The following FCRLB variants were observed in gnomAD, a reference collection of about 807,000 sequenced individuals.
FCRLB encodes Fc receptor-like B.
FCRLB carries 34 observed loss-of-function variants against 33.6 expected under a neutral mutation model. The ratio of observed to expected loss-of-function variants is 1.01; its 90% CI spans 0.77 to 1.35. FCRLB has a LOEUF of 1.35. FCRLB is among the 40% of genes most tolerant of loss of function. The pLI, the probability that FCRLB is intolerant of heterozygous loss-of-function variation, is 0.00. For synonymous variants in FCRLB, 280 were observed against 255.9 expected (o/e 1.09, Z -0.90); for missense variants, 560 against 580.2 (o/e 0.97, Z 0.36).
At chr1:161,727,107 C>T (rs1683610857) in intron 7 of FCRLB, 114 bp downstream of exon 7, 1 of 929,074 alleles carries the variant, frequency 1.1e-6, no homozygotes, top group Non-Finnish European at 1.4e-6. Flanking sequence ...CCCCGCCTTT[C>T]CCATCTCCCC....
exon 5 of FCRLB, chr1:161,723,375 G>A (rs546625220): frequency 1.2e-6 from 2 of 1,614,034 alleles, no homozygotes; most frequent in East Asian, 2.2e-5. Flanking sequence ...AGCTACTCTG[G>A]AGAAGCCCAT....
At chr1:161,727,469 C>T in exon 8 of FCRLB, 1 of 1,614,104 alleles carries the variant, frequency 6.2e-7, no homozygotes, top group Non-Finnish European at 8.5e-7. Flanking sequence ...TTGGAACAAT[C>T]GGCTGGAGCC....
Position 161,725,912 on chromosome 1 carries a change from CA to C in FCRLB, c.401del (p.Lys134SerfsTer55), listed in dbSNP as rs1683537242. On this transcript the variant is annotated frameshift_variant, in exon 6 of 8. Transcript: ENST00000367948. LOFTEE classifies it high-confidence loss of function. ...GCGGCTGGTACGACAAGGTGGTCTA[CA>C]AGCTTCACTACTACCACGACGGCCA... is the stretch of plus-strand genomic sequence containing the variant. 4 of 1,614,240 alleles carry C rather than the reference CA, an allele frequency of 2.5e-6. No individual in the cohort carries two copies. The highest frequency in any genetic ancestry group is 3.4e-6 in the Non-Finnish European group (4 of 1,180,038).
Position 161,726,914 on chromosome 1 carries a change from C to G in FCRLB, c.786C>G (p.Leu262=). 6.3e-7 allele frequency: 1 copy of G among 1,588,538 alleles called. No homozygotes were observed. Among genetic ancestry groups the G allele is most frequent in the Non-Finnish European group, 8.6e-7 (1 of 1,167,474 alleles). The change falls in exon 7 of 8, where the codon CTC becomes CTG. Residue 262 remains leucine (L), a synonymous_variant. Coordinates refer to ENST00000367948, the Ensembl canonical transcript of FCRLB. This position sits in a 1 kb window ranked among gnomAD's most constrained non-coding sequence, Gnocchi z 5.2. ...TCCCGGAGCCCGAGGTCGAGGAGCT[C>G]GAATCGTACTGGTGCGAGGCGGCTA... is the stretch of plus-strand genomic sequence containing the variant.
rs755575893 is a variant in FCRLB at position 161,726,923 on chromosome 1, C to A, written c.795C>A (p.Tyr265Ter). Residue 265 changes from tyrosine (Y) to a stop codon, truncating the protein, a stop_gained, in exon 7 of 8, where the codon TAC (tyrosine) becomes TAA (stop). Coordinates refer to ENST00000367948, the Ensembl canonical transcript of FCRLB. LOFTEE classifies it high-confidence loss of function. The surrounding 1 kb of genome is among the most constrained non-coding windows in gnomAD (Gnocchi z 5.2). ...CCGAGGTCGAGGAGCTCGAATCGTA[C>A]TGGTGCGAGGCGGCTACCGCCACCC... is the stretch of plus-strand genomic sequence containing the variant. 6 of 1,574,970 alleles carry A rather than the reference C, an allele frequency of 3.8e-6. No homozygotes were observed. The African/African-American group carries it at 5.4e-5, about 14-fold the overall frequency.
At position 161,725,675 on chromosome 1, in the gene FCRLB, AAAAAG is replaced by A. The variant is rs1006283516; in HGVS notation, c.308-132_308-128del. 7.5e-5 allele frequency: 80 copies of A among 1,070,176 alleles called. No homozygotes were observed. In the African/African-American group the frequency reaches 8.8e-4, roughly 12 times the overall value. The allele number at this position is 1,070,176 out of a possible 1,614,324, so 66.3% of individuals were successfully genotyped here. ...GAAAAAGAACAAGAAAAAAAGAAAG[AAAAAG>A]AAAAGAAAAGAAAGCGGTGGGAGAT... On this transcript the variant is annotated intron_variant, in intron 5 of 7. Coordinates refer to ENST00000367948, the Ensembl canonical transcript of FCRLB.
At chr1:161,727,210 T>G (rs201080575) in intron 7 of FCRLB, 37 bp from the exon 8 acceptor site, 5 of 1,394,428 alleles carry the variant, frequency 3.6e-6, no homozygotes, top group Admixed American at 4.2e-5. Context: ...AGAAGAACCA[T>G]GCAAGCCGCG....
At chr1:161,724,589 G>C (rs1186728893) in intron 5 of FCRLB, among the ~76,000 whole-genome samples, 1 of 152,148 alleles carries the variant, frequency 6.6e-6, no homozygotes, top group African/African-American at 2.4e-5. Flanking sequence ...AGAATTTAAA[G>C]CACATCACTC....
rs1423947780 is a variant in FCRLB at position 161,726,908 on chromosome 1, G to T, written c.780G>T (p.Glu260Asp). 1.3e-6 allele frequency: 2 copies of T among 1,590,282 alleles called. No individual in the cohort carries two copies. The highest frequency in any genetic ancestry group is 1.7e-6 in the Non-Finnish European group (2 of 1,168,170). Residue 260 changes from glutamate to aspartate, a missense_variant, in exon 7 of 8, where the codon GAG (glutamate) becomes GAT (aspartate). Glu to Asp is a conservative substitution (Grantham distance 45). Coordinates refer to ENST00000367948, the Ensembl canonical transcript of FCRLB. The surrounding 1 kb of genome is among the most constrained non-coding windows in gnomAD (Gnocchi z 5.2). ...ACACAGTCCCGGAGCCCGAGGTCGAGGAGCTCGAATCGTACTGGTGCGAGG... is the reference window on the plus strand; with the variant it reads ...ACACAGTCCCGGAGCCCGAGGTCGATGAGCTCGAATCGTACTGGTGCGAGG...
At position 161,726,444 on chromosome 1, in the gene FCRLB, G is replaced by A. The variant is rs1327198363; in HGVS notation, c.575-259G>A. On this transcript the variant is annotated intron_variant, in intron 6 of 7. Coordinates refer to ENST00000367948, the Ensembl canonical transcript of FCRLB. The surrounding 1 kb of genome is among the most constrained non-coding windows in gnomAD (Gnocchi z 5.2). The stretch of plus-strand genomic sequence containing the variant: ...TCTCCTATTCTAGGCTGCAGAACCC[G>A]AGCTGAGTGTCAGTCGGGATGTGAC... 1 of 724,928 alleles carries A rather than the reference G, an allele frequency of 1.4e-6. No individual in the cohort carries two copies. The allele number at this position is 724,928 out of a possible 1,614,324, so 44.9% of individuals were successfully genotyped here.
rs1683623147 is a variant in FCRLB at position 161,727,338 on chromosome 1, C to T, written c.957C>T (p.Pro319=). 1.9e-6 allele frequency: 3 copies of T among 1,613,736 alleles called. No individual in the cohort carries two copies. In the East Asian group the frequency reaches 6.7e-5, roughly 36 times the overall value. The change falls in exon 8 of 8, where the codon CCC becomes CCT. Residue 319 remains proline (P), a synonymous_variant. Transcript: ENST00000367948. The stretch of plus-strand genomic sequence containing the variant: ...ATAGGCCGCTTTCCTTCAGAAAGCC[C>T]CCGGTGTCCAGATCGGTCCCGTTGG...
exon 8 of FCRLB, chr1:161,727,319 C>G: frequency 1.2e-6 from 2 of 1,613,776 alleles, no homozygotes; most frequent in Non-Finnish European, 1.7e-6. Context: ...GGTAATAGGC[C>G]GCTTTCCTTC....
intron 3 of FCRLB, 89 bp from the exon 4 acceptor site, chr1:161,722,900 C>G (rs1489526431): frequency 1.9e-6 from 3 of 1,577,890 alleles, no homozygotes; most frequent in Non-Finnish European, 1.7e-6. Context: ...GTTTTGGGAC[C>G]ATTCAGCCTT....
rs1403911746 is a variant in FCRLB at position 161,726,722 on chromosome 1, G to A, written c.594G>A (p.Val198=). 3.8e-6 allele frequency: 6 copies of A among 1,596,000 alleles called. No individual in the cohort carries two copies. In the Admixed American group the frequency reaches 8.5e-5, roughly 23 times the overall value. ...CCGTAGAGCTGTTCCGGGCGCCGGT[G>A]CTGAGGGTGATGGGTCCGCGGGAGG... The change falls in exon 7 of 8, where the codon GTG becomes GTA. Residue 198 remains valine, a synonymous_variant. Transcript: ENST00000367948. The surrounding 1 kb of genome is among the most constrained non-coding windows in gnomAD (Gnocchi z 5.2).
exon 8 of FCRLB, chr1:161,727,819 C>T: frequency 1.2e-6 from 1 of 857,114 alleles, no homozygotes; most frequent in South Asian, 2.0e-5. Context: ...ATTTCAACCT[C>T]ACACAGCAGT....
intron 3 of FCRLB, 120 bp from the exon 4 acceptor site, chr1:161,722,869 G>T: frequency 6.6e-7 from 1 of 1,510,902 alleles, no homozygotes. Context: ...TGGGAAACCA[G>T]GGGCAGAAGA....
At position 161,726,739 on chromosome 1, in the gene FCRLB, C is replaced by T. The variant is rs773409452; in HGVS notation, c.611C>T (p.Pro204Leu). ...GCGCCGGTGCTGAGGGTGATGGGTC[C>T]GCGGGAGGCCCGCGGCGCGGCGCTG... Residue 204 changes from proline to leucine, a missense_variant, in exon 7 of 8, where the codon CCG (proline) becomes CTG (leucine). Coordinates refer to ENST00000367948, the Ensembl canonical transcript of FCRLB. This position sits in a 1 kb window ranked among gnomAD's most constrained non-coding sequence, Gnocchi z 5.2. 1.2e-5 allele frequency: 19 copies of T among 1,594,268 alleles called. No individual in the cohort carries two copies. The highest frequency in any genetic ancestry group is 1.6e-5 in the Non-Finnish European group (19 of 1,174,408).
At chr1:161,723,647 G>A (rs749491641) in intron 5 of FCRLB, 26 bp downstream of exon 5, 2 of 1,604,294 alleles carry the variant, frequency 1.2e-6, no homozygotes, top group Non-Finnish European at 1.7e-6. Flanking sequence ...ACGAGGGGAG[G>A]GGGAGCACGT....
At chr1:161,727,456 C>T in exon 8 of FCRLB, 1 of 1,614,030 alleles carries the variant, frequency 6.2e-7, no homozygotes, top group Non-Finnish European at 8.5e-7. Context: ...TCCGCCGACG[C>T]CCTTGGAACA....
Sources: gnomAD v4.1 joint callset for allele counts (sites outside exome capture counted in the v4.1 genomes callset) on GRCh38, gnomAD v4.1.1 for gene constraint, Gnocchi (gnomAD v3.1) non-coding constraint, MANE v1.5 for transcripts, NCBI Gene and HGNC (gene_info 2026-07-23, HGNC 2026-07-21) for gene names.